Variants in DDX27 observed in about 807,000 individuals in gnomAD.
The protein encoded by DDX27 is DEAD-box helicase 27, also known as probable ATP-dependent RNA helicase DDX27.
A neutral mutation model predicts 99.3 loss-of-function variants in DDX27; 42 were observed. That is an observed-to-expected ratio of 0.42 (90% CI 0.33 to 0.55). DDX27 has a LOEUF of 0.55. Among genes scored for constraint, DDX27 ranks in the 20% least tolerant of loss-of-function variants. The pLI, the probability that DDX27 is intolerant of heterozygous loss-of-function variation, is 0.07. For synonymous variants in DDX27, 329 were observed against 353.8 expected (o/e 0.93, Z 0.79); for missense variants, 798 against 976.8 (o/e 0.82, Z 2.44).
chr20:49,222,338 CTCACTCTA>C (rs1979718090), intron 2 of DDX27, among the ~76,000 whole-genome samples: 1 of 150,972 alleles, frequency 6.6e-6, no homozygotes, highest in Admixed American at 6.6e-5. Context: ...GAGATGGAGT[CTCACTCTA>C]TCACCCAGGC....
At chr20:49,221,294 T>C (rs1979671924) in intron 1 of DDX27, among the ~76,000 whole-genome samples, 158 bp from the exon 2 acceptor site, 1 of 152,166 alleles carries the variant, frequency 6.6e-6, no homozygotes. Context: ...CGTTTCATCA[T>C]GTTGGTCAGG....
intron 12 of DDX27, chr20:49,235,783 G>A (rs138514835): frequency 0.035 from 5,448 of 155,218 alleles, 109 homozygotes; most frequent in Middle Eastern, 0.061. Flanking sequence ...TCGCTCTGTC[G>A]CCCAGGCTGG....
chr20:49,225,178 C>A lies in DDX27; in HGVS notation c.579C>A (p.Asn193Lys). ...YDENLSFQDM[N>K]LSRPLLKAIT... ...AAAACCTCTCGTTCCAGGACATGAA[C>A]CTTTCCCGCCCTCTTCTGAAGGTAG... Residue 193 changes from asparagine (N) to lysine (K), a missense_variant, in exon 6 of 21, where the codon AAC becomes AAA. Coordinates refer to ENST00000618172, the MANE Select transcript of DDX27 (RefSeq NM_017895.8). 1 of 1,613,984 alleles carries A rather than the reference C, an allele frequency of 6.2e-7. No homozygotes were observed. The highest frequency in any genetic ancestry group is 8.5e-7 in the Non-Finnish European group (1 of 1,179,930).
intron 4 of DDX27, 49 bp from the exon 5 acceptor site, chr20:49,224,896 G>A (rs756010384): frequency 1.9e-6 from 3 of 1,607,616 alleles, no homozygotes; most frequent in Non-Finnish European, 2.6e-6. Flanking sequence ...CAGGATGCAA[G>A]TGCTTTGTAA....
intron 16 of DDX27, among the ~76,000 whole-genome samples, 171 bp downstream of exon 16, chr20:49,239,509 A>T (rs1166802119): frequency 6.6e-6 from 1 of 152,128 alleles, no homozygotes; most frequent in Non-Finnish European, 1.5e-5. Context: ...GTTGCATTAG[A>T]TTCTCATAAG....
intron 2 of DDX27, 42 bp downstream of exon 2, chr20:49,221,640 T>A (rs1174161799): frequency 6.5e-7 from 1 of 1,538,888 alleles, no homozygotes; most frequent in Admixed American, 2.0e-5. Flanking sequence ...TTTGGGCTAT[T>A]AAGATTGGAC....
chr20:49,224,659 G>A (rs191770411), intron 4 of DDX27: 30 of 331,340 alleles, frequency 9.1e-5, no homozygotes, highest in Admixed American at 1.8e-4. Flanking sequence ...CACTGCTTCC[G>A]CCCTCAATAA....
In DDX27 at chr20:49,228,763, A is replaced by G. The variant is rs372058226; in HGVS notation, c.755A>G (p.Lys252Arg). The stretch of plus-strand genomic sequence containing the variant: ...CCTGTTTTGGAGCGTCTGATTTATA[A>G]ACCCCGCCAGGCTCCAGTCACCCGC... ...ALPVLERLIY[K>R]PRQAPVTRVL... The change falls in exon 8 of 21, where the codon AAA becomes AGA. Residue 252 changes from lysine (K) to arginine (R), a missense_variant. This residue lies in a region of DDX27 where 553 missense variants were observed against 727.9 expected (regional missense o/e 0.76). Coordinates refer to ENST00000618172, the MANE Select transcript of DDX27 (RefSeq NM_017895.8). 102 of 1,612,512 alleles carry G rather than the reference A, an allele frequency of 6.3e-5. No homozygotes were observed. Among genetic ancestry groups the G allele is most frequent in the Non-Finnish European group, 8.1e-5 (96 of 1,179,202 alleles).
In DDX27 at chr20:49,226,534, A is replaced by T; in HGVS notation, c.705A>T (p.Thr235=). ...TCTGTGCCTGTGCAGCCACTGGGAC[A>T]GGTGAAAAGGATAGGGACCCAGGGT... is the stretch of plus-strand genomic sequence containing the variant. ...KDICACAATG[T]GKTAAFALPV... The change falls in exon 7 of 21, where the codon ACA becomes ACT. Residue 235 remains threonine (T), a splice_region_variant and synonymous_variant. Transcript: ENST00000618172. 6.2e-7 allele frequency: 1 copy of T among 1,613,378 alleles called. No homozygotes were observed. The highest frequency in any genetic ancestry group is 1.3e-5 in the African/African-American group (1 of 75,050).
chr20:49,236,030 A>G lies in DDX27; in HGVS notation c.1428-120A>G. The G allele has an allele frequency of 2.2e-6, 2 of 925,746 alleles. No individual in the cohort carries two copies. Among genetic ancestry groups the G allele is most frequent in the Non-Finnish European group, 3.2e-6 (2 of 618,336 alleles). The allele number at this position is 925,746 out of a possible 1,614,324, so 57.3% of individuals were successfully genotyped here. A position where few individuals can be genotyped will look rare whatever the true frequency, so the allele number is the denominator to read the frequency against. ...AGTGCTGGGATTACAGGCGTGAGCCACCGTGCCCAGCCTCTATCCCCATTT... is the reference window on the plus strand; with the variant it reads ...AGTGCTGGGATTACAGGCGTGAGCCGCCGTGCCCAGCCTCTATCCCCATTT... On this transcript the variant is annotated intron_variant, in intron 12 of 20. Coordinates refer to ENST00000618172, the MANE Select transcript of DDX27 (RefSeq NM_017895.8). This position sits in a 1 kb window ranked among gnomAD's most constrained non-coding sequence, Gnocchi z 4.1.
intron 16 of DDX27, among the ~76,000 whole-genome samples, chr20:49,239,550 A>G (rs1980410236): frequency 6.6e-6 from 1 of 152,148 alleles, no homozygotes; most frequent in Non-Finnish European, 1.5e-5. Context: ...TCGCATGCGC[A>G]CTTCACAATA....
In DDX27 at chr20:49,241,961, G is replaced by A. The variant is rs1156240458; in HGVS notation, c.1966G>A (p.Asp656Asn). ...GKKKRKKFMKDAKKKGEMTAE... is the reference protein window; with the variant it reads ...GKKKRKKFMKNAKKKGEMTAE... ...GAAGAAAAGGAAGAAGTTTATGAAG[G>A]ATGCCAAAAAAAAGGGGGAGATGAC... The change falls in exon 17 of 21, where the codon GAT (aspartate) becomes AAT (asparagine). Residue 656 changes from aspartate to asparagine, a missense_variant. Asp to Asn is a conservative substitution (Grantham distance 23). This residue lies in a region of DDX27 where 553 missense variants were observed against 727.9 expected (regional missense o/e 0.76). Coordinates refer to ENST00000618172, the MANE Select transcript of DDX27 (RefSeq NM_017895.8). 6.2e-7 allele frequency: 1 copy of A among 1,610,712 alleles called. No individual in the cohort carries two copies. Among genetic ancestry groups the A allele is most frequent in the Non-Finnish European group, 8.5e-7 (1 of 1,179,196 alleles).
At chr20:49,219,629 C>A in intron 1 of DDX27, 88 bp downstream of exon 1, 1 of 1,342,438 alleles carries the variant, frequency 7.4e-7, no homozygotes, top group Non-Finnish European at 1.0e-6. Flanking sequence ...TCCTCATCAT[C>A]CCCTGCCAGC....
At chr20:49,223,229 A>G (rs779159310) in intron 3 of DDX27, 39 bp from the exon 4 acceptor site, 3 of 1,587,176 alleles carry the variant, frequency 1.9e-6, no homozygotes, top group South Asian at 2.3e-5. Flanking sequence ...CTGGATTTCT[A>G]GAAGTTTCTC....
chr20:49,242,192 C>T lies in DDX27; in HGVS notation c.2102C>T (p.Pro701Leu). The change falls in exon 18 of 21, where the codon CCA becomes CTA. Residue 701 changes from proline (P) to leucine (L), a missense_variant. Coordinates refer to ENST00000618172, the MANE Select transcript of DDX27 (RefSeq NM_017895.8). ...GCCCGAGCAATGCCCGAGGAGGAGC[C>T]AGTGAGAGGTCCTGGTAGGTGAATG... Reference protein sequence around the residue: ...KRARAMPEEEPVRGPAKKQKQ... With the variant: ...KRARAMPEEELVRGPAKKQKQ... The T allele has an allele frequency of 6.2e-7, 1 of 1,614,134 alleles. No homozygotes were observed. The highest frequency in any genetic ancestry group is 8.5e-7 in the Non-Finnish European group (1 of 1,179,996).
chr20:49,223,069 C>A, intron 3 of DDX27, 53 bp downstream of exon 3: 1 of 1,529,690 alleles, frequency 6.5e-7, no homozygotes, highest in Non-Finnish European at 9.0e-7. Context: ...TTTACTCTCA[C>A]CACGACCCCA....
In DDX27 at chr20:49,225,707, A is replaced by G. The variant is rs374683158; in HGVS notation, c.600+508A>G. Among the ~76,000 whole-genome samples, 8 of 152,060 alleles carry G rather than the reference A, an allele frequency of 5.3e-5. No individual in the cohort carries two copies. The East Asian group carries it at 7.8e-4, about 15-fold the overall frequency. ...CCTGACCTCGTGATCCGCCCGCCTC[A>G]GCCTCCCAAAGTGCTGGGACTACAG... On this transcript the variant is annotated intron_variant, in intron 6 of 20. Transcript: ENST00000618172.
At chr20:49,232,355 C>T (rs925286103) in intron 9 of DDX27, among the ~76,000 whole-genome samples, 2 of 152,068 alleles carry the variant, frequency 1.3e-5, no homozygotes, top group South Asian at 2.1e-4. Context: ...CTTGGCCTGG[C>T]GTAGTGGCTC....
intron 9 of DDX27, chr20:49,231,054 C>T (rs1485497577): frequency 6.6e-6 from 1 of 152,412 alleles, no homozygotes. Context: ...GCCACACGCC[C>T]CCACTTTGTG....
Sources: allele counts gnomAD v4.1 joint callset (sites outside exome capture counted in the v4.1 genomes callset), GRCh38; gene constraint gnomAD v4.1.1; regional missense constraint gnomAD v4.1.1; non-coding constraint Gnocchi (gnomAD v3.1); transcripts MANE v1.5; gene names NCBI Gene and HGNC (gene_info 2026-07-23, HGNC 2026-07-21).